GRIA1: variants seen among roughly 807,000 people sequenced by gnomAD.
GRIA1 encodes glutamate receptor 1.
Under a neutral mutation model 99.2 loss-of-function variants are expected in GRIA1, and 31 were observed. The ratio of observed to expected loss-of-function variants is 0.31; its 90% confidence interval spans 0.23 to 0.42. GRIA1 has a LOEUF of 0.42. GRIA1 is among the 10% of genes least tolerant of loss of function. GRIA1 has a pLI of 1.00. For missense variants in GRIA1, 782 were observed against 1,157.5 expected (o/e 0.68, Z 4.71); for synonymous variants, 438 against 432.4 (o/e 1.01, Z -0.16).
chr5:153,570,548 T>A (rs1762022612), intron 2 of GRIA1, among the ~76,000 whole-genome samples: 1 of 152,220 alleles, frequency 6.6e-6, no homozygotes, highest in South Asian at 2.1e-4. Context: ...ATAGACAATT[T>A]TTTTTCCTAC....
chr5:153,793,883 C>G (rs535384262), intron 13 of GRIA1, among the ~76,000 whole-genome samples: 1 of 152,180 alleles, frequency 6.6e-6, no homozygotes, highest in African/African-American at 2.4e-5. Flanking sequence ...ATCCTCACTG[C>G]CTTTCTCTTT....
chr5:153,592,944 T>C (rs911443719), intron 2 of GRIA1, among the ~76,000 whole-genome samples: 1 of 152,126 alleles, frequency 6.6e-6, no homozygotes, highest in African/African-American at 2.4e-5. Flanking sequence ...AGTCTCATCA[T>C]GGGGCTCCAC....
intron 13 of GRIA1, among the ~76,000 whole-genome samples, chr5:153,782,461 C>T (rs1412877883): frequency 6.6e-6 from 1 of 152,106 alleles, no homozygotes; most frequent in Non-Finnish European, 1.5e-5. Flanking sequence ...GGAATGTTGT[C>T]ACATATTCTC....
At chr5:153,744,519 T>C (rs1762023381) in intron 11 of GRIA1, among the ~76,000 whole-genome samples, 1 of 152,264 alleles carries the variant, frequency 6.6e-6, no homozygotes, top group Non-Finnish European at 1.5e-5. Context: ...ATTTATTAGC[T>C]TAAGAAGTAT....
Position 153,764,578 on chromosome 5 carries a change from G to T in GRIA1, c.1968G>T (p.Gln656His). ...PIESAEDLAK[Q>H]TEIAYGTLEA... The stretch of plus-strand genomic sequence containing the variant: ...AGAGTGCAGAGGACCTAGCGAAGCA[G>T]ACAGAAATTGCCTACGGGACGCTGG... The change falls in exon 12 of 16, where the codon CAG becomes CAT. Residue 656 changes from glutamine (Q) to histidine (H), a missense_variant. Coordinates refer to ENST00000285900, the MANE Select transcript of GRIA1 (RefSeq NM_000827.4). 1 of 1,614,152 alleles carries T rather than the reference G, an allele frequency of 6.2e-7. No individual in the cohort carries two copies. Among genetic ancestry groups the T allele is most frequent in the Non-Finnish European group, 8.5e-7 (1 of 1,179,992 alleles).
chr5:153,601,465 T>A (rs1390223613), intron 2 of GRIA1, among the ~76,000 whole-genome samples: 1 of 152,240 alleles, frequency 6.6e-6, no homozygotes, highest in Non-Finnish European at 1.5e-5. Context: ...TTCTGACCTT[T>A]TGCTGGGACA....
intron 11 of GRIA1, among the ~76,000 whole-genome samples, chr5:153,740,576 G>A (rs1005106238): frequency 4.6e-5 from 7 of 152,298 alleles, no homozygotes; most frequent in Middle Eastern, 3.4e-3. Context: ...ATGGCAACTG[G>A]GGGAAAATAC....
intron 11 of GRIA1, among the ~76,000 whole-genome samples, chr5:153,730,795 G>C (rs1418894368): frequency 6.6e-6 from 1 of 152,106 alleles, no homozygotes; most frequent in African/African-American, 2.4e-5. Flanking sequence ...AGGCAGTTAG[G>C]AGAAGGAAGG....
intron 13 of GRIA1, among the ~76,000 whole-genome samples, chr5:153,785,477 G>A (rs750480795): frequency 6.6e-6 from 1 of 151,830 alleles, no homozygotes; most frequent in Non-Finnish European, 1.5e-5. Flanking sequence ...GCCAGGAAAA[G>A]ACAAAGGAAA....
At chr5:153,586,119 A>G (rs1174969415) in intron 2 of GRIA1, among the ~76,000 whole-genome samples, 1 of 152,174 alleles carries the variant, frequency 6.6e-6, no homozygotes, top group Non-Finnish European at 1.5e-5. Flanking sequence ...GTGAGCCACT[A>G]TGCACCAGCT....
At chr5:153,771,373 A>G (rs1763872951) in intron 13 of GRIA1, among the ~76,000 whole-genome samples, 1 of 152,226 alleles carries the variant, frequency 6.6e-6, no homozygotes, top group African/African-American at 2.4e-5. Context: ...AGGGATTCCT[A>G]ACCCATCTGG....
chr5:153,615,396 C>T (rs1212025576), intron 2 of GRIA1, among the ~76,000 whole-genome samples: 1 of 152,162 alleles, frequency 6.6e-6, no homozygotes, highest in Non-Finnish European at 1.5e-5. Context: ...AACCCCAACA[C>T]ATTGGGAGTC....
At chr5:153,657,870 C>G (rs1007749407) in intron 5 of GRIA1, among the ~76,000 whole-genome samples, 2 of 152,152 alleles carry the variant, frequency 1.3e-5, no homozygotes, top group African/African-American at 4.8e-5. Flanking sequence ...GAGGGTGGCT[C>G]TCCAGACACT....
chr5:153,579,753 A>C (rs2149373654), intron 2 of GRIA1, among the ~76,000 whole-genome samples: 2 of 152,296 alleles, frequency 1.3e-5, no homozygotes, highest in South Asian at 2.1e-4. Flanking sequence ...GAAGTGCTTA[A>C]GTGGTTTGCT....
intron 2 of GRIA1, among the ~76,000 whole-genome samples, chr5:153,585,312 T>C (rs867874855): frequency 1.5e-5 from 2 of 136,718 alleles, no homozygotes; most frequent in Non-Finnish European, 3.1e-5. Flanking sequence ...TTTTTTTTTT[T>C]TTTTTTTTTT....
intron 2 of GRIA1, among the ~76,000 whole-genome samples, chr5:153,613,973 A>G (rs541519905): frequency 5.3e-5 from 8 of 152,046 alleles, no homozygotes; most frequent in South Asian, 2.1e-4. Flanking sequence ...CTCCACTTCA[A>G]TCTTCACGCT....
At chr5:153,717,587 TG>T (rs1215629117) in intron 11 of GRIA1, among the ~76,000 whole-genome samples, 1 of 152,122 alleles carries the variant, frequency 6.6e-6, no homozygotes, top group Admixed American at 6.5e-5. Flanking sequence ...CCATGACTTT[TG>T]GGGCCCTGTA....
chr5:153,692,910 C>G (rs966408537), intron 8 of GRIA1, among the ~76,000 whole-genome samples: 10 of 152,020 alleles, frequency 6.6e-5, no homozygotes, highest in African/African-American at 2.2e-4. Flanking sequence ...GAAAAAAATG[C>G]CTGCAAATTT....
At chr5:153,690,499 G>A (rs1424302331) in intron 8 of GRIA1, among the ~76,000 whole-genome samples, 2 of 152,100 alleles carry the variant, frequency 1.3e-5, no homozygotes, top group African/African-American at 4.8e-5. Context: ...ATAAGACAAT[G>A]CCTGTTACAC....
Sources: allele counts gnomAD v4.1 joint callset (sites outside exome capture counted in the v4.1 genomes callset), GRCh38; gene constraint gnomAD v4.1.1; transcripts MANE v1.5; gene names NCBI Gene and HGNC (gene_info 2026-07-23, HGNC 2026-07-21).